GSE1: variants seen among roughly 807,000 people sequenced by gnomAD.
GSE1 encodes Gse1 coiled-coil protein, also known as genetic suppressor element 1.
GSE1 carries 32 observed loss-of-function variants against 112.6 expected under a neutral mutation model. The observed-to-expected ratio is 0.28, with a 90% CI of 0.21 to 0.38. The LOEUF is 0.38. GSE1 is among the 10% of genes least tolerant of loss of function. GSE1 has a pLI of 1.00. For synonymous variants in GSE1, 1,115 were observed against 735.6 expected, an observed-to-expected ratio of 1.52 and a Z score of -8.35; for missense variants, 2,348 against 1,699.2, an observed-to-expected ratio of 1.38 and a Z score of -6.71.
At chr16:85,555,299 A>G, upstream of GSE1, 1 of 984,932 alleles carries the variant, frequency 1.0e-6, no homozygotes, top group Non-Finnish European at 1.2e-6. Context: ...CCTTCTGCCC[A>G]GGCGCCAGAG....
intron 2 of GSE1, among the ~76,000 whole-genome samples, chr16:85,372,148 G>A (rs2047314699): frequency 2.0e-5 from 3 of 152,140 alleles, no homozygotes; most frequent in African/African-American, 4.8e-5. Flanking sequence ...ACTGTGGCCC[G>A]GACCCTCCAC....
intron 2 of GSE1, among the ~76,000 whole-genome samples, chr16:85,450,340 A>T (rs1305805906): frequency 6.6e-6 from 1 of 150,840 alleles, no homozygotes; most frequent in African/African-American, 2.4e-5. Flanking sequence ...CTGGTCTCGA[A>T]CTCCCGACTT....
intron 1 of GSE1, among the ~76,000 whole-genome samples, chr16:85,225,286 G>C (rs1567621721): frequency 6.6e-6 from 1 of 152,210 alleles, no homozygotes; most frequent in Non-Finnish European, 1.5e-5. Flanking sequence ...TGTGGTTGGG[G>C]CCCTCTCTGC....
At chr16:85,645,104 C>G (rs543938264) in intron 2 of GSE1, among the ~76,000 whole-genome samples, 51 of 150,930 alleles carry the variant, frequency 3.4e-4, no homozygotes, top group Non-Finnish European at 5.5e-4. Context: ...TCTAGTAGCC[C>G]GCCGGCACAG....
intron 2 of GSE1, among the ~76,000 whole-genome samples, chr16:85,428,238 C>A (rs1394219190): frequency 6.6e-6 from 1 of 152,232 alleles, no homozygotes; most frequent in African/African-American, 2.4e-5. Context: ...CAAGGTCCAG[C>A]CCCGGCCCTG....
intron 12 of GSE1, 59 bp from the exon 13 acceptor site, chr16:85,665,917 G>T (rs942232513): frequency 2.6e-6 from 4 of 1,536,170 alleles, no homozygotes; most frequent in African/African-American, 1.4e-5. Context: ...TCTGCGTGCT[G>T]GACACTCAGC....
At chr16:85,491,117 G>T (rs567119560) in intron 2 of GSE1, among the ~76,000 whole-genome samples, 88 of 152,326 alleles carry the variant, frequency 5.8e-4, no homozygotes, top group African/African-American at 2.0e-3. Flanking sequence ...CTGTCGCAGG[G>T]GGCGGCACCA....
rs745848644 is a variant in GSE1 at position 85,656,586 on chromosome 16, G to A, written c.1233G>A (p.Val411=). Residue 411 remains valine, a synonymous_variant, in exon 7 of 16, where the codon GTG becomes GTA. Coordinates refer to ENST00000253458, the MANE Select transcript of GSE1 (RefSeq NM_014615.5). The part of the protein sequence containing the change: ...AKALEPSFLP[V]AELHGLRGHA... Reference sequence around the variant, plus strand: ...CCCTGGAGCCCAGCTTCCTGCCCGTGGCCGAGCTGCATGGGCTGCGTGGCC... The same window carrying A: ...CCCTGGAGCCCAGCTTCCTGCCCGTAGCCGAGCTGCATGGGCTGCGTGGCC... The A allele has an allele frequency of 9.0e-5, 139 of 1,547,326 alleles. No individual in the cohort carries two copies. The African/African-American group carries it at 1.7e-3, about 19-fold the overall frequency.
chr16:85,538,326 G>A (rs28666373), intron 2 of GSE1, among the ~76,000 whole-genome samples: 1,570 of 152,318 alleles, frequency 0.01, 36 homozygotes, highest in African/African-American at 0.036. Flanking sequence ...GGGGAGAGAC[G>A]GAAGCTTTTC....
At chr16:85,358,312 G>C (rs2046995245) in intron 2 of GSE1, among the ~76,000 whole-genome samples, 1 of 152,196 alleles carries the variant, frequency 6.6e-6, no homozygotes, top group Non-Finnish European at 1.5e-5. Context: ...GCTTTGGCTG[G>C]GCTTGGACAT....
intron 1 of GSE1, among the ~76,000 whole-genome samples, chr16:85,272,437 A>G (rs1400161539): frequency 6.8e-6 from 1 of 147,946 alleles, no homozygotes; most frequent in Non-Finnish European, 1.5e-5. Flanking sequence ...GACAGTTTCT[A>G]TTTTCCTGGA....
intron 1 of GSE1, among the ~76,000 whole-genome samples, chr16:85,351,249 C>A (rs1357398182): frequency 6.6e-6 from 1 of 152,214 alleles, no homozygotes; most frequent in Non-Finnish European, 1.5e-5. Flanking sequence ...GCCGAAGAGG[C>A]TCCTGGAGAA....
chr16:85,611,227 G>A (rs961104619), upstream of GSE1, among the ~76,000 whole-genome samples: 1 of 152,148 alleles, frequency 6.6e-6, no homozygotes, highest in African/African-American at 2.4e-5. Flanking sequence ...AAGGCTCGGG[G>A]CCAGTCGTCG....
rs540024612 is a variant in GSE1 at position 85,518,042 on chromosome 16, G to A, written c.2465-115872G>A. 9.5e-4 allele frequency among the ~76,000 whole-genome samples: 144 copies of A among 152,332 alleles called. 2 individuals carry two copies. Among genetic ancestry groups the A allele is most frequent in the South Asian group, 8.1e-3 (39 of 4,824 alleles). On this transcript the variant is annotated intron_variant, in intron 2 of 2. Transcript: ENST00000637419. ...GCCCCAAGCCGGGCACCAGGGACAC[G>A]GCTCCTGGCCCGAGATGCCCTGACA...
At chr16:85,625,881 G>C (rs566601788) in intron 1 of GSE1, among the ~76,000 whole-genome samples, 3 of 152,254 alleles carry the variant, frequency 2.0e-5, no homozygotes, top group African/African-American at 7.2e-5. Flanking sequence ...GCGTGGCAGA[G>C]GACAGGTCTA....
In GSE1 at chr16:85,673,924, C is replaced by T. The variant is rs920050695; in HGVS notation, c.*1385C>T. 2 of 152,132 alleles carry T rather than the reference C, an allele frequency of 1.3e-5. No homozygotes were observed. The highest frequency in any genetic ancestry group is 2.9e-5 in the Non-Finnish European group (2 of 68,048). The allele number at this position is 152,132 out of a possible 1,614,324, so 9.4% of individuals were successfully genotyped here. On this transcript the variant is annotated 3_prime_UTR_variant, in exon 16 of 16. Coordinates refer to ENST00000253458, the MANE Select transcript of GSE1 (RefSeq NM_014615.5). ...TAAACGCAAAGCTTTGTAAAAGCCACAAGGTCTGAGCTGAACCCCTCCTTT... is the reference window on the plus strand; with the variant it reads ...TAAACGCAAAGCTTTGTAAAAGCCATAAGGTCTGAGCTGAACCCCTCCTTT...
At chr16:85,315,930 G>GC (rs1413718286) in intron 1 of GSE1, among the ~76,000 whole-genome samples, 1 of 119,662 alleles carries the variant, frequency 8.4e-6, no homozygotes, top group Non-Finnish European at 1.7e-5. Context: ...CCTAGTGGGA[G>GC]GGGGGGTGAA....
chr16:85,633,834 C>T (rs1567686068), intron 1 of GSE1, 80 bp from the exon 2 acceptor site: 1 of 1,106,334 alleles, frequency 9.0e-7, no homozygotes, highest in Non-Finnish European at 1.3e-6. Flanking sequence ...CTGCTGCTGA[C>T]ACCGGCCCTG....
chr16:85,389,235 G>A lies in GSE1; in HGVS notation c.2464+31592G>A, dbSNP rs905631899. Among the ~76,000 whole-genome samples the A allele has an allele frequency of 2.0e-5, 3 of 152,118 alleles. No individual in the cohort carries two copies. In the East Asian group the frequency reaches 5.8e-4, roughly 29 times the overall value. ...AGCACTTTGGGAGGCCAAGGCGGGT[G>A]GATCACTTGAGGTCAGGAGATCGAG... On this transcript the variant is annotated intron_variant, in intron 2 of 2. Coordinates refer to the GSE1 transcript ENST00000637419.
Sources: gnomAD v4.1 joint callset for allele counts (sites outside exome capture counted in the v4.1 genomes callset) on GRCh38, gnomAD v4.1.1 for gene constraint, MANE v1.5 for transcripts, NCBI Gene and HGNC (gene_info 2026-07-23, HGNC 2026-07-21) for gene names.